The following KIRREL1 variants were observed in gnomAD, a reference collection of about 807,000 sequenced individuals.
KIRREL1 encodes kin of IRRE-like protein 1.
Under a neutral mutation model 83.3 loss-of-function variants are expected in KIRREL1, and 25 were observed. The observed-to-expected ratio is 0.30, with a 90% CI of 0.22 to 0.42. The LOEUF is 0.42. Ranked by LOEUF, KIRREL1 falls within the 10% of genes least tolerant of loss-of-function variation. The probability of loss-of-function intolerance (pLI) is 1.00; values close to 1 mark genes in which losing one functional copy is unlikely to be tolerated. For synonymous variants in KIRREL1, 388 were observed against 410.4 expected (o/e 0.95, Z 0.66); for missense variants, 812 against 1,032.3 (o/e 0.79, Z 2.92).
In KIRREL1 at chr1:158,099,982, T is replaced by A. The variant is rs1662449585; in HGVS notation, c.*4862T>A. 6.6e-6 allele frequency: 1 copy of A among 152,068 alleles called. No homozygotes were observed. Among genetic ancestry groups the A allele is most frequent in the African/African-American group, 2.4e-5 (1 of 41,398 alleles). The allele number at this position is 152,068 out of a possible 1,614,324, so 9.4% of individuals were successfully genotyped here. On this transcript the variant is annotated 3_prime_UTR_variant, in exon 15 of 15. Transcript: ENST00000359209. ...CCCAGCCATTCTTGGCATTGCAACC[T>A]CCATTTCTAGCTCCTGTTGAATTTT...
At chr1:158,010,014 C>T (rs55639755) in intron 1 of KIRREL1, among the ~76,000 whole-genome samples, 7,560 of 152,212 alleles carry the variant, frequency 0.05, 175 homozygotes, top group Non-Finnish European at 0.058. Flanking sequence ...AGAGACCTTA[C>T]TCAGTGACCT....
intron 1 of KIRREL1, among the ~76,000 whole-genome samples, chr1:158,009,100 C>T (rs911928251): frequency 1.3e-5 from 2 of 152,176 alleles, no homozygotes; most frequent in Admixed American, 1.3e-4. Context: ...GTTGGACACA[C>T]AGTTGGACCA....
chr1:158,015,774 A>G (rs987580334), intron 1 of KIRREL1, among the ~76,000 whole-genome samples: 5 of 152,178 alleles, frequency 3.3e-5, no homozygotes, highest in Non-Finnish European at 7.4e-5. Flanking sequence ...TGAGGCACTT[A>G]GGATCTTATG....
chr1:158,014,391 C>A (rs1285514478), intron 1 of KIRREL1, among the ~76,000 whole-genome samples: 1 of 152,138 alleles, frequency 6.6e-6, no homozygotes, highest in Non-Finnish European at 1.5e-5. Flanking sequence ...GGAACAAAAA[C>A]CATTCAGAGA....
intron 13 of KIRREL1, 84 bp downstream of exon 13, chr1:158,093,846 C>A: frequency 6.8e-7 from 1 of 1,461,350 alleles, no homozygotes; most frequent in South Asian, 1.2e-5. Context: ...TAACCGCGGT[C>A]ATTCTCTCCT....
At chr1:158,009,373 AT>A (rs1409872588) in intron 1 of KIRREL1, among the ~76,000 whole-genome samples, 8 of 152,204 alleles carry the variant, frequency 5.3e-5, no homozygotes, top group Admixed American at 5.2e-4. Flanking sequence ...CAATTTCTTC[AT>A]TGGTAAATGG....
At position 158,089,834 on chromosome 1, in the gene KIRREL1, G is replaced by T; in HGVS notation, c.1272+16G>T. 6.2e-7 allele frequency: 1 copy of T among 1,607,182 alleles called. No homozygotes were observed. The highest frequency in any genetic ancestry group is 8.5e-7 in the Non-Finnish European group (1 of 1,173,914). ...AGACCGCATAGTGAGTGGCGGACCT[G>T]CCTGCGGACAGCCAGCCCTCCCTGC... On this transcript the variant is annotated intron_variant, in intron 10 of 14. Coordinates refer to ENST00000359209, the MANE Select transcript of KIRREL1 (RefSeq NM_018240.7).
At chr1:158,010,404 C>CACACACAT (rs2101635654) in intron 1 of KIRREL1, among the ~76,000 whole-genome samples, 1 of 108,866 alleles carries the variant, frequency 9.2e-6, no homozygotes, top group East Asian at 2.5e-4. Flanking sequence ...CATACACACA[C>CACACACAT]ACACACACAC....
Position 158,089,628 on chromosome 1 carries a change from G to A in KIRREL1, c.1171G>A (p.Gly391Arg), listed in dbSNP as rs1662130741. The A allele has an allele frequency of 3.1e-6, 5 of 1,613,248 alleles. No individual in the cohort carries two copies. Among genetic ancestry groups the A allele is most frequent in the Non-Finnish European group, 3.4e-6 (4 of 1,179,398 alleles). The change falls in exon 9 of 15, where the codon GGG becomes AGG. Residue 391 changes from glycine to arginine, a missense_variant and splice_region_variant. Around this residue, in one of 3 missense-constraint regions of KIRREL1, gnomAD observed 472 missense variants for 626.8 expected, o/e 0.75. Transcript: ENST00000359209. Reference protein sequence around the residue: ...AEREVPLYVNGPPIISSEAVQ... With the variant: ...AEREVPLYVNRPPIISSEAVQ... ...GCGGGAGGTGCCGCTCTATGTGAAC[G>A]GTGAGTGAGTGGCCTGAGAGGCAGC...
At chr1:158,004,875 C>T (rs193293709) in intron 1 of KIRREL1, among the ~76,000 whole-genome samples, 1 of 152,126 alleles carries the variant, frequency 6.6e-6, no homozygotes, top group Non-Finnish European at 1.5e-5. Context: ...ACCCAGGAGG[C>T]GGAGGTTGCA....
At chr1:158,058,399 T>A (rs564992847) in intron 1 of KIRREL1, among the ~76,000 whole-genome samples, 17 of 152,272 alleles carry the variant, frequency 1.1e-4, no homozygotes, top group Middle Eastern at 3.4e-3. Context: ...CTGTGCTGTC[T>A]CTCCCTCCTC....
At chr1:158,076,306 C>G (rs200949520) in intron 2 of KIRREL1, 44 bp downstream of exon 2, 2 of 1,579,830 alleles carry the variant, frequency 1.3e-6, no homozygotes, top group African/African-American at 1.3e-5. Flanking sequence ...CCATCTTCTC[C>G]GCCATTCCCC....
At chr1:158,017,691 C>G (rs1659871649) in intron 1 of KIRREL1, among the ~76,000 whole-genome samples, 1 of 149,414 alleles carries the variant, frequency 6.7e-6, no homozygotes. Context: ...GACTCTGTCT[C>G]AAAAAAACAA....
intron 1 of KIRREL1, among the ~76,000 whole-genome samples, chr1:158,025,259 C>T (rs545493082): frequency 4.0e-4 from 61 of 151,986 alleles, no homozygotes; most frequent in South Asian, 1.2e-3. Context: ...GCGGAGACAC[C>T]GAGTGGAGCA....
At chr1:158,047,632 G>A (rs928416536) in intron 1 of KIRREL1, among the ~76,000 whole-genome samples, 1 of 152,148 alleles carries the variant, frequency 6.6e-6, no homozygotes, top group Non-Finnish European at 1.5e-5. Flanking sequence ...CCCACAGCCT[G>A]CCAGGATCAT....
chr1:158,077,089 T>G (rs1387616807), intron 2 of KIRREL1, among the ~76,000 whole-genome samples: 3 of 152,216 alleles, frequency 2.0e-5, no homozygotes, highest in Non-Finnish European at 4.4e-5. Context: ...AAACATATTT[T>G]AGCTTTAAAG....
chr1:158,013,858 G>A (rs2101641129), intron 1 of KIRREL1, among the ~76,000 whole-genome samples: 1 of 152,316 alleles, frequency 6.6e-6, no homozygotes, highest in Admixed American at 6.5e-5. Context: ...GGTGACTTAA[G>A]GAGCTTACTG....
chr1:158,021,450 GCTA>G (rs1660001903), intron 1 of KIRREL1, among the ~76,000 whole-genome samples: 1 of 152,150 alleles, frequency 6.6e-6, no homozygotes, highest in African/African-American at 2.4e-5. Flanking sequence ...TCCTGATTCT[GCTA>G]CTAATAAGCT....
At chr1:158,093,534 C>T in intron 12 of KIRREL1, 88 bp downstream of exon 12, 1 of 1,601,796 alleles carries the variant, frequency 6.2e-7, no homozygotes, top group Non-Finnish European at 8.5e-7. Context: ...GGGAGGTTGG[C>T]CCTTGAGCTC....
Sources: allele counts gnomAD v4.1 joint callset (sites outside exome capture counted in the v4.1 genomes callset), GRCh38; gene constraint gnomAD v4.1.1; regional missense constraint gnomAD v4.1.1; transcripts MANE v1.5; gene names NCBI Gene and HGNC (gene_info 2026-07-23, HGNC 2026-07-21).